The following DMD variants were observed in gnomAD, a reference collection of about 807,000 sequenced individuals.
DMD encodes mutant dystrophin.
A neutral mutation model predicts 330.1 loss-of-function variants in DMD; 63 were observed. That is an observed-to-expected ratio of 0.19 (90% CI 0.16 to 0.24). DMD has a LOEUF of 0.24. DMD is among the 10% of genes least tolerant of loss of function. DMD has a pLI of 1.00. For synonymous variants in DMD, 1,223 were observed against 959.8 expected, an observed-to-expected ratio of 1.27 and a Z score of -5.07; for missense variants, 3,344 against 2,684.1, an observed-to-expected ratio of 1.25 and a Z score of -5.43.
At chrX:31,661,570 G>C (rs2081127937) in intron 53 of DMD, among the ~76,000 whole-genome samples, 1 of 111,706 alleles carries the variant, frequency 9.0e-6, no homozygotes, top group Non-Finnish European at 1.9e-5. Flanking sequence ...AAATACAACA[G>C]ACTTCACACA....
intron 4 of DMD, among the ~76,000 whole-genome samples, chrX:32,828,751 C>G (rs1050019327): frequency 3.6e-5 from 4 of 110,338 alleles, no homozygotes; most frequent in Non-Finnish European, 7.6e-5. Flanking sequence ...ATATTTTAAC[C>G]AGAATGTATA....
chrX:32,348,214 C>G (rs1265938233), intron 38 of DMD, among the ~76,000 whole-genome samples, 192 bp downstream of exon 38: 1 of 111,022 alleles, frequency 9.0e-6, no homozygotes, highest in Non-Finnish European at 1.9e-5. Context: ...CGTAAGTGCT[C>G]CTATATTACC....
intron 44 of DMD, among the ~76,000 whole-genome samples, chrX:32,101,072 G>A (rs750764630): frequency 5.7e-4 from 64 of 112,034 alleles, no homozygotes; most frequent in African/African-American, 2.0e-3. Flanking sequence ...ACTTCTGCAT[G>A]AATTATGTAA....
At chrX:32,896,338 G>A (rs1311713186) in intron 2 of DMD, among the ~76,000 whole-genome samples, 4 of 111,820 alleles carry the variant, frequency 3.6e-5, no homozygotes, top group Non-Finnish European at 7.5e-5. Flanking sequence ...GATAAAAATA[G>A]CCATGTACAG....
At chrX:33,186,889 ATTAAAT>A (rs1238680826) in intron 1 of DMD, among the ~76,000 whole-genome samples, 1 of 111,929 alleles carries the variant, frequency 8.9e-6, no homozygotes, top group Non-Finnish European at 1.9e-5. Flanking sequence ...AGATATGATG[ATTAAAT>A]TTAAAATATC....
At chrX:33,336,267 GT>G (rs2054253483) in intron 1 of DMD, among the ~76,000 whole-genome samples, 1 of 108,016 alleles carries the variant, frequency 9.3e-6, no homozygotes, top group African/African-American at 3.4e-5. Context: ...GTGTGTGTGT[GT>G]GTGTGTGTAT....
intron 2 of DMD, among the ~76,000 whole-genome samples, chrX:32,860,755 G>C (rs2082017804): frequency 9.0e-6 from 1 of 110,591 alleles, no homozygotes; most frequent in African/African-American, 3.3e-5. Context: ...AACAGAATAT[G>C]ATCAACACCC....
At chrX:32,672,878 T>C (rs1167678334) in intron 9 of DMD, among the ~76,000 whole-genome samples, 1 of 110,550 alleles carries the variant, frequency 9.0e-6, no homozygotes, top group Admixed American at 9.7e-5. Context: ...GTGATGACAA[T>C]GTGAATATTT....
At chrX:31,905,764 G>A (rs1359874354) in intron 47 of DMD, among the ~76,000 whole-genome samples, 2 of 111,736 alleles carry the variant, frequency 1.8e-5, no homozygotes, top group Admixed American at 1.9e-4. Flanking sequence ...GTAATATAGA[G>A]TTGATGAAGA....
chrX:31,951,161 ATATATATATATATG>A (rs2095171029), intron 45 of DMD, among the ~76,000 whole-genome samples: 1 of 86,951 alleles, frequency 1.2e-5, no homozygotes, highest in Admixed American at 1.3e-4. Flanking sequence ...ATATATATGT[ATATATATATATATG>A]TATATATATA....
At chrX:31,810,007 T>A (rs745396111) in intron 50 of DMD, among the ~76,000 whole-genome samples, 6 of 110,044 alleles carry the variant, frequency 5.5e-5, no homozygotes, top group Non-Finnish European at 1.1e-4. Flanking sequence ...TTATTATTAT[T>A]ACATGGGAAG....
intron 42 of DMD, among the ~76,000 whole-genome samples, chrX:32,289,241 C>A (rs2097456215): frequency 9.0e-6 from 1 of 110,941 alleles, no homozygotes; most frequent in Non-Finnish European, 1.9e-5. Flanking sequence ...TGCTTGCTGA[C>A]TGAGCTCCTC....
intron 62 of DMD, among the ~76,000 whole-genome samples, chrX:31,314,750 G>GACAGAGAGAGAGAA (rs2055849602): frequency 3.1e-5 from 3 of 96,912 alleles, no homozygotes; most frequent in African/African-American, 1.2e-4. Flanking sequence ...CACAGAGAGA[G>GACAGAGAGAGAGAA]AGAGAGAGAG....
At chrX:31,226,738 C>T (rs1264880187) in intron 63 of DMD, among the ~76,000 whole-genome samples, 1 of 111,823 alleles carries the variant, frequency 8.9e-6, no homozygotes, top group Non-Finnish European at 1.9e-5. Flanking sequence ...CAGATTGGTG[C>T]AACATCCTTC....
chrX:31,380,881 C>T (rs749113794), intron 60 of DMD, among the ~76,000 whole-genome samples: 4,338 of 110,441 alleles, frequency 0.039, 119 homozygotes, highest in Non-Finnish European at 0.064. Context: ...TCACAGACAG[C>T]CCCCATTACT....
intron 1 of DMD, among the ~76,000 whole-genome samples, chrX:33,191,024 G>C (rs1354192961): frequency 1.7e-5 from 1 of 59,589 alleles, no homozygotes; most frequent in African/African-American, 5.2e-5. Context: ...TATATATAGT[G>C]TACACCTATA....
intron 55 of DMD, among the ~76,000 whole-genome samples, chrX:31,524,231 T>C (rs1167847705): frequency 9.0e-6 from 1 of 111,607 alleles, no homozygotes; most frequent in African/African-American, 3.3e-5. Flanking sequence ...CTAGGGAAAA[T>C]ACGCCTCTGA....
chrX:32,417,678 A>G (rs781004410), intron 29 of DMD, among the ~76,000 whole-genome samples: 1 of 111,292 alleles, frequency 9.0e-6, no homozygotes, highest in Middle Eastern at 4.6e-3. Flanking sequence ...ATGGAGCAAG[A>G]GTACCTCAGG....
At chrX:32,820,932 C>A (rs1277599863) in intron 5 of DMD, among the ~76,000 whole-genome samples, 2 of 111,423 alleles carry the variant, frequency 1.8e-5, no homozygotes, top group Non-Finnish European at 3.8e-5. Context: ...AGTGTTCCTT[C>A]CTCAAGATAT....
Sources: gnomAD v4.1 joint callset for allele counts (sites outside exome capture counted in the v4.1 genomes callset) on GRCh38, gnomAD v4.1.1 for gene constraint, MANE v1.5 for transcripts, NCBI Gene and HGNC (gene_info 2026-07-23, HGNC 2026-07-21) for gene names.